PKHD1: variants seen among roughly 807,000 people sequenced by gnomAD.
PKHD1 encodes PKHD1 ciliary IPT domain containing fibrocystin/polyductin.
Under a neutral mutation model 412.0 loss-of-function variants are expected in PKHD1, and 291 were observed. That is an observed-to-expected ratio of 0.71 (90% CI 0.64 to 0.78). The LOEUF (loss-of-function observed/expected upper bound fraction) is 0.78. Ranked by LOEUF, PKHD1 falls within the 30% of genes least tolerant of loss-of-function variation. The pLI is 0.00. For missense variants in PKHD1, 4,825 were observed against 4,950.7 expected (o/e 0.97, Z 0.76); for synonymous variants, 1,777 against 1,821.5 (o/e 0.98, Z 0.62).
intron 36 of PKHD1, among the ~76,000 whole-genome samples, chr6:51,937,781 T>C (rs1787755701): frequency 6.6e-6 from 1 of 152,190 alleles, no homozygotes; most frequent in Non-Finnish European, 1.5e-5. Context: ...TTTATTGAAA[T>C]AGTTCTTATA....
rs184708552 is a variant in PKHD1 at position 51,786,480 on chromosome 6, G to C, written c.8440+4756C>G. Among the ~76,000 whole-genome samples the C allele has an allele frequency of 4.7e-4, 71 of 152,194 alleles. 1 individual carries two copies. The highest frequency in any genetic ancestry group is 1.3e-3 in the African/African-American group (53 of 41,510). ...TCACTTCCTTGCTTAAAACTATCCAGTGACTACCCACTGCCTTCATAGGAA... is the reference window on the plus strand; with the variant it reads ...TCACTTCCTTGCTTAAAACTATCCACTGACTACCCACTGCCTTCATAGGAA... On this transcript the variant is annotated intron_variant, in intron 53 of 66. Coordinates refer to ENST00000371117, the MANE Select transcript of PKHD1 (RefSeq NM_138694.4).
In PKHD1 at chr6:51,659,002, C is replaced by A; in HGVS notation, c.11124G>T (p.Met3708Ile). Residue 3708 changes from methionine (M) to isoleucine (I), a missense_variant, in exon 61 of 67, where the codon ATG becomes ATT. Physicochemically the swap from Met to Ile is conservative, Grantham distance 10. Transcript: ENST00000371117. ...GAGTAACTAGTAAGGCCCCGATAGT[C>A]ATATTCAGAACATTCTCTAGTACCC... is the stretch of plus-strand genomic sequence containing the variant. ...QTGVLENVLN[M>I]TIGALLVTQS... 6.2e-7 allele frequency: 1 copy of A among 1,613,180 alleles called. No individual in the cohort carries two copies. The highest frequency in any genetic ancestry group is 1.1e-5 in the South Asian group (1 of 91,056).
rs538642908 is a variant in PKHD1 at position 51,869,281 on chromosome 6, A to G, written c.7487-1172T>C. 2.0e-5 allele frequency among the ~76,000 whole-genome samples: 3 copies of G among 152,186 alleles called. No homozygotes were observed. The East Asian group carries it at 5.8e-4, about 29-fold the overall frequency. ...ACTGTTCCTAGAAATTCTTCCTTGC[A>G]TATACCTTCTTGCAAACTTCTATTC... On this transcript the variant is annotated intron_variant, in intron 47 of 66. Coordinates refer to ENST00000371117, the MANE Select transcript of PKHD1 (RefSeq NM_138694.4).
intron 28 of PKHD1, among the ~76,000 whole-genome samples, chr6:52,034,158 A>C (rs1803541479): frequency 7.0e-6 from 1 of 142,950 alleles, no homozygotes; most frequent in Admixed American, 7.6e-5. Flanking sequence ...ATGTTTAGAA[A>C]ATAAAATAGG....
intron 31 of PKHD1, 77 bp downstream of exon 31, chr6:52,027,752 A>T: frequency 2.6e-6 from 3 of 1,134,890 alleles, no homozygotes; most frequent in Non-Finnish European, 4.0e-6. Context: ...CTGGCAAATT[A>T]ATCCAGAAAC....
chr6:51,651,357 G>A (rs1027147105), intron 61 of PKHD1, among the ~76,000 whole-genome samples: 4 of 152,136 alleles, frequency 2.6e-5, no homozygotes, highest in Non-Finnish European at 5.9e-5. Flanking sequence ...AAATCTGTTA[G>A]CTTAAAATCG....
At chr6:51,996,933 T>G (rs1487230145) in intron 35 of PKHD1, among the ~76,000 whole-genome samples, 1 of 152,202 alleles carries the variant, frequency 6.6e-6, no homozygotes, top group Non-Finnish European at 1.5e-5. Flanking sequence ...CCCAGGTATT[T>G]GGGATGGGAT....
intron 31 of PKHD1, among the ~76,000 whole-genome samples, chr6:52,026,505 GTCT>G (rs1802207889): frequency 6.6e-6 from 1 of 152,082 alleles, no homozygotes; most frequent in Admixed American, 6.6e-5. Flanking sequence ...AAATTTCTTA[GTCT>G]TCTTATCATG....
intron 35 of PKHD1, among the ~76,000 whole-genome samples, chr6:51,961,626 C>A (rs1792053031): frequency 6.6e-6 from 1 of 151,974 alleles, no homozygotes; most frequent in African/African-American, 2.4e-5. Flanking sequence ...TCTTATAACC[C>A]TTTAATTTAC....
chr6:51,983,515 T>C (rs746065483), intron 35 of PKHD1, among the ~76,000 whole-genome samples: 32 of 152,178 alleles, frequency 2.1e-4, no homozygotes, highest in Non-Finnish European at 3.8e-4. Context: ...ACCTTTGTAA[T>C]AGGCCTATTT....
chr6:51,730,438 G>A (rs1445844327), intron 60 of PKHD1, among the ~76,000 whole-genome samples: 6 of 152,176 alleles, frequency 3.9e-5, no homozygotes, highest in South Asian at 2.1e-4. Flanking sequence ...ATGGCTCAAC[G>A]TTGCTATTTG....
chr6:51,862,704 C>T (rs773136042), intron 48 of PKHD1, among the ~76,000 whole-genome samples: 3 of 152,122 alleles, frequency 2.0e-5, no homozygotes, highest in Non-Finnish European at 2.9e-5. Flanking sequence ...TAAGCAAGAT[C>T]TAAGAATCAA....
chr6:51,919,561 A>G (rs1321600450), intron 37 of PKHD1, among the ~76,000 whole-genome samples: 1 of 152,188 alleles, frequency 6.6e-6, no homozygotes, highest in African/African-American at 2.4e-5. Flanking sequence ...GTCAGGTAGC[A>G]TGATGCCTCC....
At position 52,045,384 on chromosome 6, in the gene PKHD1, G is replaced by A. The variant is rs527676629; in HGVS notation, c.2593-296C>T. On this transcript the variant is annotated intron_variant, in intron 24 of 66. Transcript: ENST00000371117. ...TTCTCCATGCTTTTCCATTTTATATGTTTGCAATCCAAAATATTAAAATAA... is the reference window on the plus strand; with the variant it reads ...TTCTCCATGCTTTTCCATTTTATATATTTGCAATCCAAAATATTAAAATAA... 3.3e-5 allele frequency among the ~76,000 whole-genome samples: 5 copies of A among 152,224 alleles called. No individual in the cohort carries two copies. The South Asian group carries it at 1.0e-3, about 32-fold the overall frequency.
chr6:51,839,834 G>A lies in PKHD1; in HGVS notation c.8108-3365C>T, dbSNP rs150087586. On this transcript the variant is annotated intron_variant, in intron 50 of 66. Coordinates refer to ENST00000371117, the MANE Select transcript of PKHD1 (RefSeq NM_138694.4). The stretch of plus-strand genomic sequence containing the variant: ...TGCACATATTAGGACCTCTCACTCA[G>A]GCCACATTTATCTAGTGTGTCAGCC... 7.6e-3 allele frequency among the ~76,000 whole-genome samples: 1,146 copies of A among 151,652 alleles called. 9 individuals are homozygous for A. The highest frequency in any genetic ancestry group is 0.013 in the Non-Finnish European group (913 of 67,948).
At chr6:51,776,974 T>A (rs1562287462) in intron 53 of PKHD1, among the ~76,000 whole-genome samples, 2 of 152,044 alleles carry the variant, frequency 1.3e-5, no homozygotes, top group Admixed American at 6.6e-5. Flanking sequence ...GGAACATATG[T>A]CTTAGAGTAC....
At chr6:51,764,043 G>A (rs1410605127) in intron 55 of PKHD1, among the ~76,000 whole-genome samples, 1 of 149,206 alleles carries the variant, frequency 6.7e-6, no homozygotes, top group Non-Finnish European at 1.5e-5. Flanking sequence ...CTGGTGCGCT[G>A]CACCCACTAA....
At chr6:52,078,800 AC>A in intron 5 of PKHD1, among the ~76,000 whole-genome samples, 1 of 152,192 alleles carries the variant, frequency 6.6e-6, no homozygotes, top group Non-Finnish European at 1.5e-5. Context: ...GTTCCCTGAG[AC>A]AGGATAGAGG....
At chr6:51,863,002 G>A (rs958001596) in intron 48 of PKHD1, among the ~76,000 whole-genome samples, 5 of 152,102 alleles carry the variant, frequency 3.3e-5, no homozygotes, top group African/African-American at 7.2e-5. Context: ...ATGCCTATGC[G>A]TTGTTTTGTA....
Sources: gnomAD v4.1 joint callset for allele counts (sites outside exome capture counted in the v4.1 genomes callset) on GRCh38, gnomAD v4.1.1 for gene constraint, MANE v1.5 for transcripts, NCBI Gene and HGNC (gene_info 2026-07-23, HGNC 2026-07-21) for gene names.